TRPM7: variants seen among roughly 807,000 people sequenced by gnomAD.
TRPM7 encodes LTRPC ion channel family member 7.
In TRPM7, 134 loss-of-function variants were observed where a neutral mutation model predicts 229.7. The ratio of observed to expected loss-of-function variants is 0.58; its 90% CI spans 0.51 to 0.67. The LOEUF (loss-of-function observed/expected upper bound fraction) is 0.67, where lower values mean the gene tolerates loss of function less well. TRPM7 is among the 30% of genes least tolerant of loss of function. The probability of loss-of-function intolerance (pLI) is 0.00; values close to 1 mark genes in which losing one functional copy is unlikely to be tolerated. For missense variants in TRPM7, 1,901 were observed against 2,210.0 expected, an observed-to-expected ratio of 0.86 and a Z score of 2.80; for synonymous variants, 699 against 715.2, an observed-to-expected ratio of 0.98 and a Z score of 0.36.
intron 3 of TRPM7, among the ~76,000 whole-genome samples, chr15:50,652,987 C>T (rs961187449): frequency 1.3e-5 from 2 of 152,152 alleles, no homozygotes; most frequent in African/African-American, 4.8e-5. Context: ...TGGCAAAACT[C>T]CTTCTCTACA....
Position 50,572,108 on chromosome 15 carries a change from C to T in TRPM7, c.5309-1953G>A, listed in dbSNP as rs538284309. 7.8e-4 allele frequency among the ~76,000 whole-genome samples: 119 copies of T among 152,274 alleles called. 1 individual carries two copies. Among genetic ancestry groups the T allele is most frequent in the African/African-American group, 2.8e-3 (116 of 41,564 alleles). Reference sequence around the variant, plus strand: ...GACTAGCCTGACCCACCTAGTTAGACACCCATCTCTACAAAAATTTTTAAA... The same window carrying T: ...GACTAGCCTGACCCACCTAGTTAGATACCCATCTCTACAAAAATTTTTAAA... On this transcript the variant is annotated intron_variant, in intron 36 of 38. Transcript: ENST00000646667.
At chr15:50,644,830 A>C (rs867381341) in intron 4 of TRPM7, among the ~76,000 whole-genome samples, 67 of 150,838 alleles carry the variant, frequency 4.4e-4, no homozygotes, top group Middle Eastern at 3.4e-3. Flanking sequence ...AAAGAAATGA[A>C]GCCCAAAAAA....
At chr15:50,656,030 G>A (rs1201871929) in intron 3 of TRPM7, among the ~76,000 whole-genome samples, 1 of 151,312 alleles carries the variant, frequency 6.6e-6, no homozygotes. Context: ...AACCCCTGCT[G>A]CAATAAAATA....
At position 50,558,264 on chromosome 15, in the gene TRPM7, C is replaced by A. The variant is rs1344232739; in HGVS notation, c.*3414G>T. 1.3e-5 allele frequency: 2 copies of A among 152,134 alleles called. No individual in the cohort carries two copies. Among genetic ancestry groups the A allele is most frequent in the Non-Finnish European group, 2.9e-5 (2 of 68,034 alleles). The allele number at this position is 152,134 out of a possible 1,614,324, so 9.4% of individuals were successfully genotyped here. On this transcript the variant is annotated 3_prime_UTR_variant, in exon 39 of 39. Transcript: ENST00000646667. ...CACATAATTCACAGCACAGATGAGGCTGGGTGCAGCAATTCATGCCTGCAA... is the reference window on the plus strand; with the variant it reads ...CACATAATTCACAGCACAGATGAGGATGGGTGCAGCAATTCATGCCTGCAA...
At chr15:50,604,112 A>C (rs1001077323) in intron 21 of TRPM7, 4 of 152,170 alleles carry the variant, frequency 2.6e-5, no homozygotes, top group African/African-American at 9.7e-5. Context: ...CAAGGAGTAG[A>C]CCCAATATAT....
Position 50,613,774 on chromosome 15 carries a change from C to T in TRPM7, c.1703G>A (p.Arg568Lys). 1 of 1,613,818 alleles carries T rather than the reference C, an allele frequency of 6.2e-7. No homozygotes were observed. The highest frequency in any genetic ancestry group is 2.2e-5 in the East Asian group (1 of 44,846). Reference sequence around the variant, plus strand: ...CCTCATTTTTTCCTTTTTATCTGCCCTATTGCCAAAAGATTCATGACTCTT... The same window carrying T: ...CCTCATTTTTTCCTTTTTATCTGCCTTATTGCCAAAAGATTCATGACTCTT... ...LRKSHESFGN[R>K]ADKKEKMRHN... Residue 568 changes from arginine to lysine, a missense_variant, in exon 15 of 39, where the codon AGG (arginine) becomes AAG (lysine). Around this residue, in one of 8 missense-constraint regions of TRPM7, gnomAD observed 794 missense variants for 881.9 expected, o/e 0.90. Transcript: ENST00000646667.
Position 50,574,258 on chromosome 15 carries a change from A to ATTT in TRPM7, c.5308+13_5308+15dup, listed in dbSNP as rs1442685332. On this transcript the variant is annotated intron_variant, in intron 36 of 38. Coordinates refer to ENST00000646667, the MANE Select transcript of TRPM7 (RefSeq NM_017672.6). ...TACTGCAGAATTTCACCTTAGCAAT[A>ATTT]TTTTAATAAATTTACCTTGCAAATC... 6.2e-7 allele frequency: 1 copy of ATTT among 1,600,774 alleles called. No homozygotes were observed.
Position 50,634,653 on chromosome 15 carries a change from G to C in TRPM7, c.833-97C>G. Reference sequence around the variant, plus strand: ...GGCAAAATTCAGTACTCTAATTTTAGATTTTACTGAAAAAAAATTAAAAAG... The same window carrying C: ...GGCAAAATTCAGTACTCTAATTTTACATTTTACTGAAAAAAAATTAAAAAG... On this transcript the variant is annotated intron_variant, in intron 7 of 38. Coordinates refer to ENST00000646667, the MANE Select transcript of TRPM7 (RefSeq NM_017672.6). The C allele has an allele frequency of 3.4e-6, 3 of 889,388 alleles. No homozygotes were observed. The South Asian group carries it at 1.2e-4, about 37-fold the overall frequency. 55.1% of individuals were successfully genotyped at this position (889,388 alleles called of 1,614,324 possible).
chr15:50,637,570 TAAG>T lies in TRPM7; in HGVS notation c.681_683del (p.Leu229del), dbSNP rs751851623. On this transcript the variant is annotated inframe_deletion, in exon 7 of 39. Coordinates refer to ENST00000646667, the MANE Select transcript of TRPM7 (RefSeq NM_017672.6). ...CATTCAATTTGCTCAGGGGGTTCAA[TAAG>T]GTTTGATAAGGAGCAACCACCTAAA... is the stretch of plus-strand genomic sequence containing the variant. 1.9e-6 allele frequency: 3 copies of T among 1,613,834 alleles called. No individual in the cohort carries two copies. The South Asian group carries it at 3.3e-5, about 18-fold the overall frequency.
intron 34 of TRPM7, 45 bp downstream of exon 34, chr15:50,574,807 A>G: frequency 1.9e-6 from 3 of 1,590,736 alleles, no homozygotes; most frequent in South Asian, 2.3e-5. Context: ...GTTAAAATAT[A>G]AAGCTTAAAT....
chr15:50,619,634 A>G lies in TRPM7; in HGVS notation c.1494+111T>C, dbSNP rs12323947. ...TATTTTATCTTGTTCTGTAAACTGT[A>G]ATTTTATTGGTATTTCTAAAATGTA... On this transcript the variant is annotated intron_variant, in intron 13 of 38. Transcript: ENST00000646667. 3.6e-3 allele frequency: 3,303 copies of G among 929,374 alleles called. 86 individuals are homozygous for G. The African/African-American group carries it at 0.052, about 15-fold the overall frequency. The allele number at this position is 929,374 out of a possible 1,614,324, so 57.6% of individuals were successfully genotyped here. A position where few individuals can be genotyped will look rare whatever the true frequency, so the allele number is the denominator to read the frequency against.
chr15:50,656,820 T>C (rs1027129364), intron 3 of TRPM7, among the ~76,000 whole-genome samples: 1 of 152,158 alleles, frequency 6.6e-6, no homozygotes, highest in African/African-American at 2.4e-5. Context: ...AAGAAGGAAA[T>C]GTAGTTACCA....
At chr15:50,578,047 G>C (rs1024105209) in intron 31 of TRPM7, among the ~76,000 whole-genome samples, 3 of 152,104 alleles carry the variant, frequency 2.0e-5, no homozygotes, top group Non-Finnish European at 2.9e-5. Flanking sequence ...CAAAATAGGT[G>C]AAACTATTGT....
chr15:50,641,997 CAA>C (rs36020101), intron 5 of TRPM7, among the ~76,000 whole-genome samples: 28,278 of 121,860 alleles, frequency 0.23, 2,922 homozygotes, highest in East Asian at 0.49. Context: ...GACTCTGTCT[CAA>C]AAAAAAAAAA....
chr15:50,675,194 T>C (rs1256040285), intron 1 of TRPM7, among the ~76,000 whole-genome samples: 1 of 151,984 alleles, frequency 6.6e-6, no homozygotes, highest in African/African-American at 2.4e-5. Flanking sequence ...AATATAAAAA[T>C]TAGCTGGGCA....
chr15:50,611,601 C>G (rs1006048753), intron 16 of TRPM7, among the ~76,000 whole-genome samples: 19 of 152,194 alleles, frequency 1.2e-4, no homozygotes, highest in Admixed American at 7.9e-4. Flanking sequence ...GGAATCAAAA[C>G]TCACAATGCT....
chr15:50,592,594 A>C lies in TRPM7; in HGVS notation c.3641T>G (p.Val1214Gly). 6.2e-7 allele frequency: 1 copy of C among 1,602,978 alleles called. No homozygotes were observed. The highest frequency in any genetic ancestry group is 1.1e-5 in the South Asian group (1 of 90,998). Residue 1214 changes from valine to glycine, a missense_variant, in exon 26 of 39, where the codon GTT becomes GGT. Val to Gly is a moderately radical substitution (Grantham distance 109). This residue lies in a region of TRPM7 where 533 missense variants were observed against 497.1 expected (regional missense o/e 1.07). Transcript: ENST00000646667. ...VEQMCIQIKE[V>G]GDRVNYIKRS... ...TTTTATGTAGTTGACACGATCTCCA[A>C]CTTCTTTAATCTGAATGCACATCTG...
intron 38 of TRPM7, among the ~76,000 whole-genome samples, chr15:50,566,331 A>C (rs1022192771): frequency 1.1e-4 from 17 of 152,202 alleles, no homozygotes; most frequent in Admixed American, 2.0e-4. Context: ...AAAATAAAAT[A>C]TACTCAAATT....
intron 38 of TRPM7, 113 bp downstream of exon 38, chr15:50,569,774 T>C (rs1298174728): frequency 1.8e-6 from 1 of 541,610 alleles, no homozygotes; most frequent in Non-Finnish European, 3.2e-6. Context: ...CTGCTGAAGC[T>C]GGCACAATTA....
Sources: gnomAD v4.1 joint callset for allele counts (sites outside exome capture counted in the v4.1 genomes callset) on GRCh38, gnomAD v4.1.1 for gene constraint, gnomAD v4.1.1 regional missense constraint, MANE v1.5 for transcripts, NCBI Gene and HGNC (gene_info 2026-07-23, HGNC 2026-07-21) for gene names.